MYSM1: variants seen among roughly 807,000 people sequenced by gnomAD.
The protein encoded by MYSM1 is deubiquitinase MYSM1.
In MYSM1, 51 loss-of-function variants were observed where a neutral mutation model predicts 116.0. That is an observed-to-expected ratio of 0.44 (90% CI 0.35 to 0.56). The LOEUF (loss-of-function observed/expected upper bound fraction) is 0.56. Among genes scored for constraint, MYSM1 ranks in the 20% least tolerant of loss-of-function variants. The pLI, the probability that MYSM1 is intolerant of heterozygous loss-of-function variation, is 0.00. For synonymous variants in MYSM1, 313 were observed against 315.2 expected (o/e 0.99, Z 0.07); for missense variants, 900 against 974.9 (o/e 0.92, Z 1.02).
At chr1:58,675,722 C>A in intron 9 of MYSM1, 142 bp from the exon 10 acceptor site, 3 of 541,482 alleles carry the variant, frequency 5.5e-6, no homozygotes, top group South Asian at 2.9e-5. Flanking sequence ...TACTGAGCAC[C>A]CCTCAAATTA....
intron 8 of MYSM1, 112 bp from the exon 9 acceptor site, chr1:58,677,168 G>C: frequency 2.4e-6 from 2 of 845,982 alleles, no homozygotes; most frequent in Non-Finnish European, 3.6e-6. Flanking sequence ...CCCTTTCAAT[G>C]TATAAATGTG....
intron 15 of MYSM1, 86 bp downstream of exon 15, chr1:58,667,761 A>T: frequency 1.2e-6 from 1 of 803,934 alleles, no homozygotes; most frequent in Non-Finnish European, 2.1e-6. Flanking sequence ...TCTGTATTTT[A>T]ATTATATTAA....
intron 12 of MYSM1, 53 bp from the exon 13 acceptor site, chr1:58,669,091 CATTT>C (rs1405669203): frequency 1.9e-5 from 25 of 1,293,500 alleles, no homozygotes; most frequent in Non-Finnish European, 3.2e-6. Flanking sequence ...AGGAAAATAA[CATTT>C]ATTTGTAAAT....
At chr1:58,671,824 C>G in intron 12 of MYSM1, 46 bp downstream of exon 12, 3 of 1,359,480 alleles carry the variant, frequency 2.2e-6, no homozygotes, top group Non-Finnish European at 3.1e-6. Context: ...TATTATCTAG[C>G]CATTTGTGAT....
At chr1:58,695,249 T>C in intron 1 of MYSM1, 42 bp from the exon 2 acceptor site, 5 of 1,274,922 alleles carry the variant, frequency 3.9e-6, no homozygotes, top group Non-Finnish European at 5.7e-6. Flanking sequence ...GAAAATCATA[T>C]TAGTTAATGA....
At chr1:58,672,019 A>G (rs774323034) in intron 11 of MYSM1, 61 bp from the exon 12 acceptor site, 41 of 1,358,914 alleles carry the variant, frequency 3.0e-5, no homozygotes, top group Non-Finnish European at 4.0e-5. Context: ...GAATAAAAAT[A>G]GTCCTTTAAA....
At position 58,680,026 on chromosome 1, in the gene MYSM1, CAAAAAAAAAAAA is replaced by C. The variant is rs6143231; in HGVS notation, c.1259+1747_1259+1758del. Among the ~76,000 whole-genome samples, 85 of 126,846 alleles carry C rather than the reference CAAAAAAAAAAAA, an allele frequency of 6.7e-4. 1 individual carries two copies. Among genetic ancestry groups the C allele is most frequent in the South Asian group, 5.0e-4 (2 of 3,962 alleles). The allele number at this position is 126,846 out of a possible 152,430, so 83.2% of individuals were successfully genotyped here. A position where few individuals can be genotyped will look rare whatever the true frequency, so the allele number is the denominator to read the frequency against. On this transcript the variant is annotated intron_variant, in intron 8 of 19. Transcript: ENST00000472487. ...TGGGAGAAAGAGTGAGACTCTGTCT[CAAAAAAAAAAAA>C]AAAAAAAAAAAGGTTGTGAGCCACT...
Position 58,667,871 on chromosome 1 carries a change from G to A in MYSM1, c.1818C>T (p.Tyr606=), listed in dbSNP as rs1044054415. The change falls in exon 15 of 20, where the codon TAC becomes TAT. Residue 606 remains tyrosine (Y), a synonymous_variant. Coordinates refer to ENST00000472487, the MANE Select transcript of MYSM1 (RefSeq NM_001085487.3). ...AEVIGLLGGR[Y]SEVDKVVEVC... Reference sequence around the variant, plus strand: ...CTTCAACTACTTTATCAACTTCTGAGTATCTTCCTCCTAACAGACCAATCA... The same window carrying A: ...CTTCAACTACTTTATCAACTTCTGAATATCTTCCTCCTAACAGACCAATCA... The A allele has an allele frequency of 1.9e-6, 3 of 1,610,758 alleles. No individual in the cohort carries two copies. Among genetic ancestry groups the A allele is most frequent in the Non-Finnish European group, 2.5e-6 (3 of 1,177,200 alleles).
Position 58,673,612 on chromosome 1 carries a change from G to C in MYSM1, c.1533C>G (p.Asn511Lys), listed in dbSNP as rs1569738749. 6.2e-7 allele frequency: 1 copy of C among 1,614,074 alleles called. No individual in the cohort carries two copies. The highest frequency in any genetic ancestry group is 8.5e-7 in the Non-Finnish European group (1 of 1,179,974). Reference protein sequence around the residue: ...RRRRVRDPWGNWCDAKDLEGQ... With the variant: ...RRRRVRDPWGKWCDAKDLEGQ... ...CTTCTAAGTCCTTTGCATCACACCA[G>C]TTTCCCCATGGGTCTCGGACCCTAC... is the stretch of plus-strand genomic sequence containing the variant. The change falls in exon 11 of 20, where the codon AAC becomes AAG. Residue 511 changes from asparagine (N) to lysine (K), a missense_variant. This residue lies in a region of MYSM1 where 622 missense variants were observed against 623.7 expected (regional missense o/e 1.00). Coordinates refer to ENST00000472487, the MANE Select transcript of MYSM1 (RefSeq NM_001085487.3).
At chr1:58,679,703 CTT>C (rs964402096) in intron 8 of MYSM1, among the ~76,000 whole-genome samples, 7 of 152,164 alleles carry the variant, frequency 4.6e-5, no homozygotes, top group African/African-American at 1.2e-4. Flanking sequence ...AAGTAATCCT[CTT>C]GTCTCAGCCT....
intron 7 of MYSM1, among the ~76,000 whole-genome samples, chr1:58,684,228 C>A (rs1181450134): frequency 6.6e-6 from 1 of 152,058 alleles, no homozygotes; most frequent in Non-Finnish European, 1.5e-5. Flanking sequence ...AAGACACTTA[C>A]CAATTTTATA....
chr1:58,659,928 A>T lies in MYSM1; in HGVS notation c.*69T>A. On this transcript the variant is annotated 3_prime_UTR_variant, in exon 20 of 20. Transcript: ENST00000472487. The stretch of plus-strand genomic sequence containing the variant: ...AGCTGTGCCAATGTTAACTACAATC[A>T]CTTCAAGTTTATAACTTTGAAAGTA... 2 of 1,030,860 alleles carry T rather than the reference A, an allele frequency of 1.9e-6. No homozygotes were observed. The highest frequency in any genetic ancestry group is 2.7e-6 in the Non-Finnish European group (2 of 751,202). 63.9% of individuals were successfully genotyped at this position (1,030,860 alleles called of 1,614,324 possible).
At chr1:58,664,240 T>G (rs552158944) in intron 17 of MYSM1, among the ~76,000 whole-genome samples, 76 of 152,306 alleles carry the variant, frequency 5.0e-4, no homozygotes, top group Non-Finnish European at 9.7e-4. Context: ...TTAAAAATGA[T>G]TTAAAGAGAA....
In MYSM1 at chr1:58,660,061, T is replaced by C. The variant is rs776144063; in HGVS notation, c.2423A>G (p.Asn808Ser). 38 of 1,610,674 alleles carry C rather than the reference T, an allele frequency of 2.4e-5. 1 individual carries two copies. The highest frequency in any genetic ancestry group is 3.3e-4 in the Middle Eastern group (2 of 6,060). Residue 808 changes from asparagine to serine, a missense_variant, in exon 20 of 20, where the codon AAT becomes AGT. Around this residue, in one of 3 missense-constraint regions of MYSM1, gnomAD observed 186 missense variants for 196.2 expected, o/e 0.95. Transcript: ENST00000472487. ...LTEIENLFLS[N>S]YKSNQENGVT... is the part of the protein sequence containing the mutation. ...TCCATTCTCTTGGTTGCTTTTATAA[T>C]TGGAAAGGAACAAATTTTCTATTTC...
At chr1:58,676,347 C>T (rs1644651836) in intron 9 of MYSM1, among the ~76,000 whole-genome samples, 1 of 145,548 alleles carries the variant, frequency 6.9e-6, no homozygotes, top group Non-Finnish European at 1.5e-5. Flanking sequence ...ACCCGGGAGG[C>T]GGAAGTTGCA....
chr1:58,687,054 A>C (rs892900601), intron 6 of MYSM1, among the ~76,000 whole-genome samples: 6 of 152,166 alleles, frequency 3.9e-5, no homozygotes, highest in Admixed American at 6.5e-5. Flanking sequence ...TGCCCAAAAA[A>C]GGGAAGGAAA....
Position 58,669,057 on chromosome 1 carries a change from T to G in MYSM1, c.1662-19A>C, listed in dbSNP as rs1644516728. ...AAACGAGCTGAAAAAGAAAAAAAAT[T>G]TTCAATACAATCTCAACAAGATTAG... On this transcript the variant is annotated intron_variant, in intron 12 of 19. Transcript: ENST00000472487. The G allele has an allele frequency of 2.6e-6, 4 of 1,545,932 alleles. No individual in the cohort carries two copies. The highest frequency in any genetic ancestry group is 2.8e-5 in the African/African-American group (2 of 72,078).
intron 11 of MYSM1, among the ~76,000 whole-genome samples, chr1:58,672,723 A>G (rs1644581883): frequency 6.6e-6 from 1 of 152,154 alleles, no homozygotes; most frequent in Admixed American, 6.5e-5. Context: ...ATTCTTCTGC[A>G]GATCCTTCAG....
chr1:58,673,289 A>C (rs1424312253), intron 11 of MYSM1, among the ~76,000 whole-genome samples: 1 of 152,206 alleles, frequency 6.6e-6, no homozygotes, highest in East Asian at 1.9e-4. Context: ...ATGTTTAATG[A>C]AACGAATTGG....
Sources: allele counts gnomAD v4.1 joint callset (sites outside exome capture counted in the v4.1 genomes callset), GRCh38; gene constraint gnomAD v4.1.1; regional missense constraint gnomAD v4.1.1; transcripts MANE v1.5; gene names NCBI Gene and HGNC (gene_info 2026-07-23, HGNC 2026-07-21).